MAML3: variants seen among roughly 807,000 people sequenced by gnomAD.
The protein encoded by MAML3 is mastermind like transcriptional coactivator 3.
In MAML3, 27 loss-of-function variants were observed where a neutral mutation model predicts 101.9. The ratio of observed to expected loss-of-function variants is 0.27; its 90% CI spans 0.20 to 0.37. The LOEUF is 0.37. Among genes scored for constraint, MAML3 ranks in the 10% least tolerant of loss-of-function variants. The probability of loss-of-function intolerance (pLI) is 1.00; values close to 1 mark genes in which losing one functional copy is unlikely to be tolerated. For synonymous variants in MAML3, 501 were observed against 555.9 expected (o/e 0.90, Z 1.39); for missense variants, 1,316 against 1,444.9 (o/e 0.91, Z 1.45).
At chr4:140,094,356 T>C (rs868492917) in intron 1 of MAML3, among the ~76,000 whole-genome samples, 2 of 152,192 alleles carry the variant, frequency 1.3e-5, no homozygotes, top group South Asian at 4.1e-4. Flanking sequence ...TGCTCCCCAC[T>C]GAATACCAGA....
intron 1 of MAML3, among the ~76,000 whole-genome samples, chr4:140,012,472 C>T (rs1726578604): frequency 6.6e-6 from 1 of 152,290 alleles, no homozygotes; most frequent in South Asian, 2.1e-4. Context: ...TTCTCAGTTT[C>T]CTCCCATTCA....
chr4:139,802,348 T>C (rs1730624626), intron 2 of MAML3, among the ~76,000 whole-genome samples: 1 of 152,136 alleles, frequency 6.6e-6, no homozygotes, highest in Non-Finnish European at 1.5e-5. Flanking sequence ...TGTGTTCCTT[T>C]CTCTCTTTCC....
chr4:140,151,697 G>C (rs897570254), intron 1 of MAML3, among the ~76,000 whole-genome samples: 1 of 151,110 alleles, frequency 6.6e-6, no homozygotes, highest in African/African-American at 2.4e-5. Context: ...GTGCGGGGGG[G>C]GGGGGCACAC....
chr4:140,150,791 AGGGACCGGAGCTACAGTCGAGATGC>A (rs1729145148), intron 1 of MAML3, among the ~76,000 whole-genome samples: 1 of 152,046 alleles, frequency 6.6e-6, no homozygotes, highest in Non-Finnish European at 1.5e-5. Flanking sequence ...GGTTGGAGAA[AGGGACCGGAGCTACAGTCGAGATGC>A]GGGACCGGCC....
At chr4:140,034,307 G>T (rs1726951662) in intron 1 of MAML3, among the ~76,000 whole-genome samples, 1 of 152,190 alleles carries the variant, frequency 6.6e-6, no homozygotes, top group South Asian at 2.1e-4. Context: ...GAGATAGTCT[G>T]GTTGTGATTT....
intron 2 of MAML3, among the ~76,000 whole-genome samples, chr4:139,842,968 G>C (rs1731388960): frequency 6.6e-6 from 1 of 151,308 alleles, no homozygotes; most frequent in South Asian, 2.1e-4. Context: ...AGTAAAGTCG[G>C]GGGGTTTTCA....
chr4:140,071,445 C>T (rs1167305002), intron 1 of MAML3, among the ~76,000 whole-genome samples: 1 of 152,222 alleles, frequency 6.6e-6, no homozygotes, highest in African/African-American at 2.4e-5. Context: ...GGTGACACCC[C>T]TGTCCCCAGC....
intron 1 of MAML3, among the ~76,000 whole-genome samples, chr4:139,939,693 G>C (rs1733564197): frequency 6.6e-6 from 1 of 151,378 alleles, no homozygotes; most frequent in Admixed American, 6.6e-5. Context: ...TGAGGGCCGG[G>C]ATACCTCCTC....
intron 2 of MAML3, among the ~76,000 whole-genome samples, chr4:139,808,986 G>T (rs1393840568): frequency 6.6e-6 from 1 of 152,136 alleles, no homozygotes; most frequent in African/African-American, 2.4e-5. Flanking sequence ...AAGAATGTCG[G>T]TGTGTGACTC....
intron 1 of MAML3, among the ~76,000 whole-genome samples, chr4:140,000,452 C>T (rs907315728): frequency 5.3e-5 from 8 of 152,106 alleles, no homozygotes; most frequent in African/African-American, 1.9e-4. Flanking sequence ...AATACTAGCT[C>T]CTTAAAGGCA....
chr4:139,924,994 T>C (rs1369537081), intron 1 of MAML3, among the ~76,000 whole-genome samples: 1 of 151,796 alleles, frequency 6.6e-6, no homozygotes, highest in African/African-American at 2.4e-5. Flanking sequence ...CGCTAAACTT[T>C]TTTTTTTCAG....
At chr4:139,947,931 G>A (rs1295472716) in intron 1 of MAML3, among the ~76,000 whole-genome samples, 3 of 151,774 alleles carry the variant, frequency 2.0e-5, no homozygotes, top group Non-Finnish European at 2.9e-5. Flanking sequence ...GAGAAACCCC[G>A]TCTCTACTAA....
intron 1 of MAML3, among the ~76,000 whole-genome samples, chr4:140,063,731 A>G (rs1489082345): frequency 2.6e-5 from 4 of 152,130 alleles, no homozygotes; most frequent in Non-Finnish European, 1.5e-5. Context: ...GTAACTGACC[A>G]TCTGGAACAC....
At chr4:139,872,788 A>T (rs1293967495) in intron 2 of MAML3, among the ~76,000 whole-genome samples, 1 of 148,190 alleles carries the variant, frequency 6.7e-6, no homozygotes, top group African/African-American at 2.5e-5. Flanking sequence ...TTAAAAAAAT[A>T]ATCACACGGC....
intron 2 of MAML3, among the ~76,000 whole-genome samples, chr4:139,850,023 T>A (rs1477808454): frequency 6.6e-6 from 1 of 152,218 alleles, no homozygotes; most frequent in Non-Finnish European, 1.5e-5. Context: ...CAAATAGCAC[T>A]GGTATTGTCA....
At chr4:139,778,972 G>C (rs1300981761) in intron 2 of MAML3, among the ~76,000 whole-genome samples, 2 of 137,842 alleles carry the variant, frequency 1.5e-5, no homozygotes, top group African/African-American at 2.7e-5. Flanking sequence ...GACAGAGCGA[G>C]ACTCCACCTC....
At chr4:139,751,555 C>A (rs920156195) in intron 2 of MAML3, among the ~76,000 whole-genome samples, 1 of 152,138 alleles carries the variant, frequency 6.6e-6, no homozygotes, top group Non-Finnish European at 1.5e-5. Context: ...TGTCAGCGCT[C>A]AAAAAATTTT....
At chr4:139,823,761 G>A (rs1369570151) in intron 2 of MAML3, among the ~76,000 whole-genome samples, 2 of 150,984 alleles carry the variant, frequency 1.3e-5, no homozygotes, top group East Asian at 3.9e-4. Context: ...AGCTGCACAA[G>A]GGCAGAGTTC....
intron 1 of MAML3, among the ~76,000 whole-genome samples, chr4:139,946,741 C>G (rs1275646992): frequency 4.6e-5 from 7 of 152,104 alleles, no homozygotes; most frequent in African/African-American, 1.7e-4. Flanking sequence ...GCTAAAACAG[C>G]TGAATAAAAC....
Sources: gnomAD v4.1 joint callset for allele counts (sites outside exome capture counted in the v4.1 genomes callset) on GRCh38, gnomAD v4.1.1 for gene constraint, MANE v1.5 for transcripts, NCBI Gene and HGNC (gene_info 2026-07-23, HGNC 2026-07-21) for gene names.